Variants in ZNF451 observed in about 807,000 individuals in gnomAD.
ZNF451 encodes the protein zinc finger protein 451.
A neutral mutation model predicts 107.1 loss-of-function variants in ZNF451; 80 were observed. That is an observed-to-expected ratio of 0.75 (90% CI 0.62 to 0.90). The LOEUF is 0.90. Among genes scored for constraint, ZNF451 ranks in the 40% least tolerant of loss-of-function variants. The probability of loss-of-function intolerance (pLI) is 0.00; values close to 1 mark genes in which losing one functional copy is unlikely to be tolerated. For missense variants in ZNF451, 1,107 were observed against 1,236.2 expected (o/e 0.90, Z 1.57); for synonymous variants, 362 against 406.5 (o/e 0.89, Z 1.32).
intron 3 of ZNF451, chr6:57,099,546 A>G (rs1334760543): frequency 1.4e-6 from 1 of 716,144 alleles, no homozygotes; most frequent in Non-Finnish European, 2.6e-6. Context: ...AAAAAAGGAT[A>G]TGTAGAGATC....
chr6:57,150,155 A>AG (rs1002447760), intron 10 of ZNF451, among the ~76,000 whole-genome samples: 12 of 152,242 alleles, frequency 7.9e-5, no homozygotes, highest in African/African-American at 2.6e-4. Flanking sequence ...ATGTGTTTAT[A>AG]GGGGGAGGTG....
chr6:57,148,715 CA>C, intron 10 of ZNF451, 22 bp downstream of exon 10: 1 of 1,549,100 alleles, frequency 6.5e-7, no homozygotes, highest in Non-Finnish European at 8.7e-7. Flanking sequence ...TAGCTCTATG[CA>C]AATTTCATAT....
intron 3 of ZNF451, chr6:57,101,652 C>T: frequency 6.4e-7 from 1 of 1,550,658 alleles, no homozygotes; most frequent in Non-Finnish European, 8.7e-7. Flanking sequence ...TGGTTCATGA[C>T]CCAGAATTTG....
At chr6:57,106,624 T>G (rs1829875498) in intron 3 of ZNF451, 2 of 984,960 alleles carry the variant, frequency 2.0e-6, no homozygotes, top group Non-Finnish European at 2.4e-6. Context: ...TTTTTTTTTT[T>G]TTTTTTTATG....
chr6:57,143,122 A>T (rs372153841), intron 9 of ZNF451, among the ~76,000 whole-genome samples: 19 of 152,094 alleles, frequency 1.2e-4, no homozygotes, highest in Non-Finnish European at 1.9e-4. Flanking sequence ...TAGAATATAC[A>T]AATATTTATG....
chr6:57,149,592 A>G (rs1289209614), intron 10 of ZNF451, among the ~76,000 whole-genome samples: 1 of 152,162 alleles, frequency 6.6e-6, no homozygotes, highest in Admixed American at 6.5e-5. Flanking sequence ...TGAGTTATAC[A>G]ATGTAGCATA....
chr6:57,168,475 G>C lies in ZNF451; in HGVS notation c.*6G>C. On this transcript the variant is annotated 3_prime_UTR_variant, in exon 15 of 15. Transcript: ENST00000370706. Reference sequence around the variant, plus strand: ...GAAGTCTTGAGGAAATGTAATTAAAGATATTACCACACAACATCAAGTGGC... The same window carrying C: ...GAAGTCTTGAGGAAATGTAATTAAACATATTACCACACAACATCAAGTGGC... 1 of 1,604,390 alleles carries C rather than the reference G, an allele frequency of 6.2e-7. No individual in the cohort carries two copies. The highest frequency in any genetic ancestry group is 8.5e-7 in the Non-Finnish European group (1 of 1,173,802).
chr6:57,136,828 T>C (rs1165409073), intron 7 of ZNF451, among the ~76,000 whole-genome samples: 1 of 152,182 alleles, frequency 6.6e-6, no homozygotes, highest in African/African-American at 2.4e-5. Context: ...TTCTTTTTTC[T>C]CGGAATCACA....
Position 57,147,215 on chromosome 6 carries a change from C to G in ZNF451, c.1130C>G (p.Thr377Ser). ...CNQVFVDETS[T>S]QNHKQNSGHK... ...CAAGTCTTTGTGGATGAAACCAGCA[C>G]CCAAAATCATAAGCAGAATTCAGGA... The change falls in exon 10 of 15, where the codon ACC becomes AGC. Residue 377 changes from threonine to serine, a missense_variant. This residue lies in a region of ZNF451 where 608 missense variants were observed against 649.2 expected (regional missense o/e 0.94). Coordinates refer to ENST00000370706, the MANE Select transcript of ZNF451 (RefSeq NM_001031623.3). 1 of 1,614,004 alleles carries G rather than the reference C, an allele frequency of 6.2e-7. No homozygotes were observed. Among genetic ancestry groups the G allele is most frequent in the Non-Finnish European group, 8.5e-7 (1 of 1,179,964 alleles).
At chr6:57,165,541 C>G (rs1763859448) in intron 14 of ZNF451, 1 of 152,300 alleles carries the variant, frequency 6.6e-6, no homozygotes, top group South Asian at 2.1e-4. Context: ...CTTCTTTGTA[C>G]TCAAATTCAT....
At chr6:57,125,792 A>G (rs892745757) in intron 4 of ZNF451, among the ~76,000 whole-genome samples, 1 of 151,938 alleles carries the variant, frequency 6.6e-6, no homozygotes, top group African/African-American at 2.4e-5. Context: ...CAATTAAATT[A>G]GACTATGGTA....
At chr6:57,108,949 G>A in intron 3 of ZNF451, 1 of 985,336 alleles carries the variant, frequency 1.0e-6, no homozygotes, top group Non-Finnish European at 1.2e-6. Context: ...ATTATACTAG[G>A]CTGCCTCCAT....
At chr6:57,139,995 C>G (rs2127973110) in intron 7 of ZNF451, among the ~76,000 whole-genome samples, 1 of 151,832 alleles carries the variant, frequency 6.6e-6, no homozygotes, top group East Asian at 1.9e-4. Flanking sequence ...AGTGGGCCAG[C>G]CTGGGTGACA....
At chr6:57,158,445 A>G in intron 13 of ZNF451, 3 of 917,814 alleles carry the variant, frequency 3.3e-6, no homozygotes, top group Non-Finnish European at 3.9e-6. Context: ...AATATAGCCA[A>G]GGAAAGCAAT....
chr6:57,107,473 C>T (rs1207917385), intron 3 of ZNF451: 1 of 985,132 alleles, frequency 1.0e-6, no homozygotes, highest in Non-Finnish European at 1.2e-6. Flanking sequence ...TTTAGTGCTA[C>T]CTTGTTTAAT....
At chr6:57,109,481 C>T in intron 3 of ZNF451, 1 of 985,400 alleles carries the variant, frequency 1.0e-6, no homozygotes, top group Non-Finnish European at 1.2e-6. Context: ...AGTACTTTGA[C>T]AACACACTAA....
chr6:57,096,767 CTTTTTTT>C (rs772840052), intron 2 of ZNF451, among the ~76,000 whole-genome samples: 14 of 79,954 alleles, frequency 1.8e-4, no homozygotes, highest in South Asian at 1.2e-3. Flanking sequence ...AATTTTCAGT[CTTTTTTT>C]TTTTTTTTTT....
intron 10 of ZNF451, among the ~76,000 whole-genome samples, chr6:57,149,546 A>G (rs1832248325): frequency 6.6e-6 from 1 of 152,100 alleles, no homozygotes; most frequent in Non-Finnish European, 1.5e-5. Flanking sequence ...CACCTGACTT[A>G]AGTCTATATT....
chr6:57,163,436 C>CTTTTTTTT (rs398001706), intron 14 of ZNF451, among the ~76,000 whole-genome samples: 741 of 30,344 alleles, frequency 0.024, 267 homozygotes, highest in Middle Eastern at 0.042. Flanking sequence ...AATGAATAAA[C>CTTTTTTTT]TTTTTTTTTT....
Sources: allele counts gnomAD v4.1 joint callset (sites outside exome capture counted in the v4.1 genomes callset), GRCh38; gene constraint gnomAD v4.1.1; regional missense constraint gnomAD v4.1.1; transcripts MANE v1.5; gene names NCBI Gene and HGNC (gene_info 2026-07-23, HGNC 2026-07-21).